ADCY2: variants seen among roughly 807,000 people sequenced by gnomAD.
The protein encoded by ADCY2 is adenylate cyclase type 2.
A neutral mutation model predicts 125.2 loss-of-function variants in ADCY2; 31 were observed. That is an observed-to-expected ratio of 0.25 (90% confidence interval 0.19 to 0.33). The LOEUF is 0.33. Among genes scored for constraint, ADCY2 ranks in the 10% least tolerant of loss-of-function variants. The probability of loss-of-function intolerance (pLI) is 1.00; values close to 1 mark genes in which losing one functional copy is unlikely to be tolerated. For missense variants in ADCY2, 904 were observed against 1,418.2 expected, an observed-to-expected ratio of 0.64 and a Z score of 5.82; for synonymous variants, 512 against 548.4, an observed-to-expected ratio of 0.93 and a Z score of 0.93.
At chr5:7,577,514 T>A (rs534891235) in intron 3 of ADCY2, among the ~76,000 whole-genome samples, 86 of 152,236 alleles carry the variant, frequency 5.6e-4, no homozygotes, top group African/African-American at 2.0e-3. Flanking sequence ...ATAAAGTAAG[T>A]TGATAGTGAA....
At chr5:7,410,538 C>A (rs1340611351) in intron 1 of ADCY2, among the ~76,000 whole-genome samples, 2 of 151,934 alleles carry the variant, frequency 1.3e-5, no homozygotes, top group Admixed American at 1.3e-4. Flanking sequence ...GTGGAAGGAA[C>A]CCATAATCAT....
chr5:7,515,847 A>T (rs1744235535), intron 2 of ADCY2, among the ~76,000 whole-genome samples: 1 of 152,156 alleles, frequency 6.6e-6, no homozygotes, highest in Admixed American at 6.5e-5. Context: ...ATGTCAAGGG[A>T]GAAAATTAAC....
At chr5:7,826,072 G>C (rs754990214) in intron 24 of ADCY2, among the ~76,000 whole-genome samples, 3 of 152,210 alleles carry the variant, frequency 2.0e-5, no homozygotes, top group Non-Finnish European at 2.9e-5. Context: ...AGACCTTTGA[G>C]ACTTGACTGG....
chr5:7,629,996 C>A (rs921625695), intron 4 of ADCY2, among the ~76,000 whole-genome samples: 3 of 152,160 alleles, frequency 2.0e-5, no homozygotes, highest in African/African-American at 7.2e-5. Flanking sequence ...AATAATTTAA[C>A]AAATTTTTAT....
chr5:7,775,425 CTGT>C (rs1165426120), intron 18 of ADCY2, among the ~76,000 whole-genome samples: 1 of 151,852 alleles, frequency 6.6e-6, no homozygotes, highest in Non-Finnish European at 1.5e-5. Flanking sequence ...GAGTCTCACT[CTGT>C]TGCCCAGGCT....
chr5:7,670,825 G>A (rs750150869), intron 4 of ADCY2, among the ~76,000 whole-genome samples: 2 of 152,126 alleles, frequency 1.3e-5, no homozygotes, highest in African/African-American at 4.8e-5. Flanking sequence ...GAGCTCAAGC[G>A]GTAATGCTCA....
chr5:7,457,302 C>T (rs1186265619), intron 2 of ADCY2, among the ~76,000 whole-genome samples: 2 of 152,146 alleles, frequency 1.3e-5, no homozygotes, highest in Admixed American at 6.5e-5. Flanking sequence ...ATGCGGGCTT[C>T]CCAGGTGATT....
At chr5:7,787,833 C>G (rs1744128584) in intron 19 of ADCY2, among the ~76,000 whole-genome samples, 1 of 152,100 alleles carries the variant, frequency 6.6e-6, no homozygotes, top group African/African-American at 2.4e-5. Flanking sequence ...ATAACAATGG[C>G]TCTGAAAACC....
At chr5:7,824,701 G>A (rs1019370772) in intron 24 of ADCY2, among the ~76,000 whole-genome samples, 1 of 152,162 alleles carries the variant, frequency 6.6e-6, no homozygotes. Flanking sequence ...GGACCCACAC[G>A]TGGACCTTGT....
Position 7,426,548 on chromosome 5 carries a change from C to T in ADCY2, c.408+11778C>T, listed in dbSNP as rs139134867. ...GGGCGGAGTTGTCAGGTCCTAATCA[C>T]CTCCTAAAGGCCCCACCTCTTAACA... On this transcript the variant is annotated intron_variant, in intron 2 of 24. Transcript: ENST00000338316. Among the ~76,000 whole-genome samples, 963 of 152,302 alleles carry T rather than the reference C, an allele frequency of 6.3e-3. 7 individuals carry two copies. Among genetic ancestry groups the T allele is most frequent in the African/African-American group, 0.022 (919 of 41,554 alleles).
intron 3 of ADCY2, among the ~76,000 whole-genome samples, chr5:7,531,142 T>G (rs901047575): frequency 3.9e-5 from 6 of 152,164 alleles, no homozygotes; most frequent in African/African-American, 1.4e-4. Flanking sequence ...AAATCACTCC[T>G]TGGCATAAGT....
chr5:7,474,323 A>T (rs1184829803), intron 2 of ADCY2, among the ~76,000 whole-genome samples: 2 of 152,200 alleles, frequency 1.3e-5, no homozygotes, highest in Admixed American at 6.5e-5. Flanking sequence ...GCCCTGCTTT[A>T]TGGTGCTCAC....
intron 2 of ADCY2, among the ~76,000 whole-genome samples, chr5:7,464,121 A>G (rs1298876957): frequency 2.6e-5 from 4 of 152,134 alleles, no homozygotes; most frequent in African/African-American, 9.7e-5. Context: ...TCCCAAATAT[A>G]TCCTGTATAT....
rs372786699 is a variant in ADCY2 at position 7,422,910 on chromosome 5, C to T, written c.408+8140C>T. Among the ~76,000 whole-genome samples the T allele has an allele frequency of 5.5e-3, 838 of 152,132 alleles. 5 individuals are homozygous for T. The highest frequency in any genetic ancestry group is 0.01 in the South Asian group (49 of 4,804). On this transcript the variant is annotated intron_variant, in intron 2 of 24. Transcript: ENST00000338316. ...TCCTCTAGTGCAGTCACTTGGAATG[C>T]GACCAAAGAATGTATTTACCACTGG...
intron 11 of ADCY2, among the ~76,000 whole-genome samples, chr5:7,713,577 T>C (rs897234419): frequency 1.3e-5 from 2 of 152,030 alleles, no homozygotes; most frequent in Admixed American, 1.3e-4. Flanking sequence ...AGTCTGTCTA[T>C]AGTGAAATAA....
intron 3 of ADCY2, among the ~76,000 whole-genome samples, chr5:7,613,104 A>T (rs562385357): frequency 6.6e-6 from 1 of 152,198 alleles, no homozygotes; most frequent in South Asian, 2.1e-4. Context: ...ACATGTATAC[A>T]TATGTAACAA....
At chr5:7,711,580 A>G (rs1462471215) in intron 10 of ADCY2, among the ~76,000 whole-genome samples, 2 of 152,178 alleles carry the variant, frequency 1.3e-5, no homozygotes, top group African/African-American at 4.8e-5. Flanking sequence ...TTATTGTCTT[A>G]AGACTTAAGA....
chr5:7,537,181 C>T (rs1734843620), intron 3 of ADCY2, among the ~76,000 whole-genome samples: 1 of 152,116 alleles, frequency 6.6e-6, no homozygotes, highest in South Asian at 2.1e-4. Context: ...TTCTTATTTA[C>T]TATGTTTTAA....
At chr5:7,598,710 G>C (rs560773504) in intron 3 of ADCY2, among the ~76,000 whole-genome samples, 1 of 152,114 alleles carries the variant, frequency 6.6e-6, no homozygotes, top group Non-Finnish European at 1.5e-5. Context: ...TCCCAGCCCC[G>C]TTGCGCTCAG....
Sources: allele counts gnomAD v4.1 joint callset (sites outside exome capture counted in the v4.1 genomes callset), GRCh38; gene constraint gnomAD v4.1.1; transcripts MANE v1.5; gene names NCBI Gene and HGNC (gene_info 2026-07-23, HGNC 2026-07-21).